The following WDR1 variants were observed in gnomAD, a reference collection of about 807,000 sequenced individuals.
The protein encoded by WDR1 is WD repeat-containing protein 1.
Under a neutral mutation model 71.9 loss-of-function variants are expected in WDR1, and 21 were observed. The ratio of observed to expected loss-of-function variants is 0.29; its 90% CI spans 0.21 to 0.42. The LOEUF is 0.42. Ranked by LOEUF, WDR1 falls within the 10% of genes least tolerant of loss-of-function variation. The pLI is 1.00. For missense variants in WDR1, 696 were observed against 824.5 expected (o/e 0.84, Z 1.91); for synonymous variants, 424 against 347.4 (o/e 1.22, Z -2.45).
At chr4:10,080,849 A>G (rs1301075699) in intron 11 of WDR1, among the ~76,000 whole-genome samples, 2 of 152,242 alleles carry the variant, frequency 1.3e-5, no homozygotes, top group African/African-American at 4.8e-5. Flanking sequence ...TCTAGGCCTC[A>G]GCCTCCTCAT....
At chr4:10,077,174 C>T in intron 14 of WDR1, 130 bp downstream of exon 14, 1 of 1,270,774 alleles carries the variant, frequency 7.9e-7, no homozygotes, top group African/African-American at 1.5e-5. Context: ...CACAACTCTT[C>T]CGGGCCACCT....
chr4:10,083,977 G>A lies in WDR1; in HGVS notation c.1039+466C>T, dbSNP rs905990980. Among the ~76,000 whole-genome samples, 30 of 152,198 alleles carry A rather than the reference G, an allele frequency of 2.0e-4. 1 individual carries two copies. Among genetic ancestry groups the A allele is most frequent in the African/African-American group, 6.8e-4 (28 of 41,456 alleles). On this transcript the variant is annotated intron_variant, in intron 9 of 14. Coordinates refer to ENST00000499869, the MANE Select transcript of WDR1 (RefSeq NM_017491.5). ...TGGACCACAGGCTGCATGACTCTGG[G>A]GCGGGCACATCAGCTCTCTGGGCTC...
Position 10,075,421 on chromosome 4 carries a change from G to C in WDR1, c.1778C>G (p.Thr593Ser). 1 of 1,614,006 alleles carries C rather than the reference G, an allele frequency of 6.2e-7. No homozygotes were observed. The highest frequency in any genetic ancestry group is 8.5e-7 in the Non-Finnish European group (1 of 1,179,898). The change falls in exon 15 of 15, where the codon ACC (threonine) becomes AGC (serine). Residue 593 changes from threonine (T) to serine (S), a missense_variant. Coordinates refer to ENST00000499869, the MANE Select transcript of WDR1 (RefSeq NM_017491.5). ...AWLDEHTLVTTSHDASVKEWT... is the reference protein window; with the variant it reads ...AWLDEHTLVTSSHDASVKEWT... ...CTCCTTGACAGAGGCATCATGGGAG[G>C]TCGTGACCAGCGTGTGCTCGTCCAG...
At chr4:10,077,607 C>A in intron 13 of WDR1, 146 bp downstream of exon 13, 1 of 1,458,800 alleles carries the variant, frequency 6.9e-7, no homozygotes, top group Non-Finnish European at 9.2e-7. Flanking sequence ...TCCTCAGAAG[C>A]ATGGCACGAG....
chr4:10,083,624 C>CA (rs766167916), intron 9 of WDR1: 8 of 485,044 alleles, frequency 1.6e-5, no homozygotes, highest in South Asian at 1.2e-4. Context: ...GAGCTGTCCA[C>CA]ACAAAAGGCA....
rs781283200 is a variant in WDR1 at position 10,116,239 on chromosome 4, G to A, written c.17-5C>T. 4 of 1,613,356 alleles carry A rather than the reference G, an allele frequency of 2.5e-6. No individual in the cohort carries two copies. The highest frequency in any genetic ancestry group is 2.2e-5 in the South Asian group (2 of 91,060). ...GGAGGCTGGCGAACACCTTCTCTGC[G>A]GAGACACAAATGCGGCGGGGCATGT... On this transcript the variant is annotated splice_region_variant and splice_polypyrimidine_tract_variant and intron_variant, in intron 1 of 14. Transcript: ENST00000499869.
chr4:10,111,097 T>A (rs1461238851), intron 2 of WDR1, among the ~76,000 whole-genome samples: 1 of 149,432 alleles, frequency 6.7e-6, no homozygotes, highest in African/African-American at 2.4e-5. Context: ...GCCTCAGATC[T>A]CAGATACAGA....
At chr4:10,088,470 A>G in intron 6 of WDR1, 97 bp from the exon 7 acceptor site, 1 of 1,300,308 alleles carries the variant, frequency 7.7e-7, no homozygotes, top group Non-Finnish European at 1.1e-6. Flanking sequence ...ACCGGGGCTC[A>G]CAGACTAAGC....
At chr4:10,083,394 G>A (rs1765089468) in intron 9 of WDR1, among the ~76,000 whole-genome samples, 1 of 152,214 alleles carries the variant, frequency 6.6e-6, no homozygotes, top group African/African-American at 2.4e-5. Context: ...TTGGGATGAG[G>A]CAGAAAGGGA....
At chr4:10,098,872 G>A in intron 4 of WDR1, 120 bp downstream of exon 4, 1 of 1,441,174 alleles carries the variant, frequency 6.9e-7, no homozygotes, top group Admixed American at 1.8e-5. Context: ...CCTACTGGGA[G>A]CTCAACCCTC....
rs755066123 is a variant in WDR1 at position 10,088,693 on chromosome 4, T to C, written c.607A>G (p.Arg203Gly). 3 of 1,608,034 alleles carry C rather than the reference T, an allele frequency of 1.9e-6. No homozygotes were observed. Among genetic ancestry groups the C allele is most frequent in the Non-Finnish European group, 2.5e-6 (3 of 1,177,244 alleles). ...NCVRFSPDGN[R>G]FATASADGQI... is the part of the protein sequence containing the mutation. ...CCGTCAGCACTGGCTGTGGCAAATC[T>C]GTTCCCATCAGGAGAGAATCGCACA... is the stretch of plus-strand genomic sequence containing the variant. The change falls in exon 6 of 15, where the codon AGA (arginine) becomes GGA (glycine). Residue 203 changes from arginine to glycine, a missense_variant. Physicochemically the swap from Arg to Gly is moderately radical, Grantham distance 125. Coordinates refer to ENST00000499869, the MANE Select transcript of WDR1 (RefSeq NM_017491.5).
intron 3 of WDR1, among the ~76,000 whole-genome samples, chr4:10,102,773 G>A (rs986885303): frequency 5.9e-5 from 9 of 152,274 alleles, no homozygotes; most frequent in Admixed American, 1.3e-4. Flanking sequence ...GGGCCACGGC[G>A]TGCATGAGTC....
At chr4:10,091,320 C>G (rs919274340) in intron 5 of WDR1, among the ~76,000 whole-genome samples, 1 of 152,238 alleles carries the variant, frequency 6.6e-6, no homozygotes, top group African/African-American at 2.4e-5. Flanking sequence ...TCTAGCACTT[C>G]TAGGTATGTG....
intron 9 of WDR1, among the ~76,000 whole-genome samples, chr4:10,083,422 C>A (rs1218982240): frequency 1.3e-5 from 2 of 152,226 alleles, no homozygotes; most frequent in Non-Finnish European, 2.9e-5. Context: ...TGAAGGCCTA[C>A]TGGGGACCAG....
In WDR1 at chr4:10,085,054, C is replaced by G. The variant is rs1391168483; in HGVS notation, c.952-524G>C. Among the ~76,000 whole-genome samples the G allele has an allele frequency of 3.9e-5, 6 of 152,354 alleles. No individual in the cohort carries two copies. The South Asian group carries it at 1.0e-3, about 26-fold the overall frequency. ...AAAAGCCCAAGGCTGTCCGTGAACGCTGACGCTCCTACCCTAACCTCCCTG... is the reference window on the plus strand; with the variant it reads ...AAAAGCCCAAGGCTGTCCGTGAACGGTGACGCTCCTACCCTAACCTCCCTG... On this transcript the variant is annotated intron_variant, in intron 8 of 14. Coordinates refer to ENST00000499869, the MANE Select transcript of WDR1 (RefSeq NM_017491.5).
At chr4:10,110,854 A>G (rs1713306808) in intron 2 of WDR1, among the ~76,000 whole-genome samples, 1 of 152,226 alleles carries the variant, frequency 6.6e-6, no homozygotes, top group East Asian at 1.9e-4. Context: ...TGGCACAAAA[A>G]TGTCTGCAAA....
intron 5 of WDR1, among the ~76,000 whole-genome samples, chr4:10,090,787 G>A (rs761541536): frequency 2.6e-5 from 4 of 152,240 alleles, no homozygotes; most frequent in Non-Finnish European, 5.9e-5. Flanking sequence ...GGGAGTCCCA[G>A]TGCTCCTCGG....
chr4:10,115,666 T>C (rs1020947200), intron 2 of WDR1: 3 of 154,834 alleles, frequency 1.9e-5, no homozygotes, highest in Non-Finnish European at 4.3e-5. Flanking sequence ...TCATCTGTTT[T>C]ACAGACGAGA....
At position 10,116,762 on chromosome 4, in the gene WDR1, G is replaced by C; in HGVS notation, c.-96C>G. 2 of 1,232,052 alleles carry C rather than the reference G, an allele frequency of 1.6e-6. No individual in the cohort carries two copies. The highest frequency in any genetic ancestry group is 1.0e-6 in the Non-Finnish European group (1 of 981,216). 76.3% of individuals were successfully genotyped at this position (1,232,052 alleles called of 1,614,324 possible). A position where few individuals can be genotyped will look rare whatever the true frequency, so the allele number is the denominator to read the frequency against. On this transcript the variant is annotated 5_prime_UTR_variant, in exon 1 of 15. Transcript: ENST00000499869. ...TCGCCGAGGCCGAGCCCGGGGACTG[G>C]AGCCGGAAGGCGGCACCGGGCGTGC...
Sources: allele counts gnomAD v4.1 joint callset (sites outside exome capture counted in the v4.1 genomes callset), GRCh38; gene constraint gnomAD v4.1.1; transcripts MANE v1.5; gene names NCBI Gene and HGNC (gene_info 2026-07-23, HGNC 2026-07-21).